The following MFSD8 variants were observed in gnomAD, a reference collection of about 807,000 sequenced individuals.
MFSD8 encodes major facilitator superfamily domain-containing protein 8.
In MFSD8, 55 loss-of-function variants were observed where a neutral mutation model predicts 66.4. The observed-to-expected ratio is 0.83, with a 90% CI of 0.67 to 1.04. The LOEUF (loss-of-function observed/expected upper bound fraction) is 1.04, where lower values mean the gene tolerates loss of function less well. MFSD8 is among the 50% of genes least tolerant of loss of function. MFSD8 has a pLI of 0.00. For missense variants in MFSD8, 550 were observed against 627.6 expected, an observed-to-expected ratio of 0.88 and a Z score of 1.32; for synonymous variants, 202 against 212.8, an observed-to-expected ratio of 0.95 and a Z score of 0.44.
At chr4:127,965,209 C>A (rs961854498), upstream of MFSD8, 213 of 1,580,608 alleles carry the variant, frequency 1.3e-4, no homozygotes, top group Non-Finnish European at 1.7e-4. Flanking sequence ...TGGCGTGAAG[C>A]TGGCAAAACA....
At chr4:127,926,783 T>C (rs957210926) in intron 9 of MFSD8, among the ~76,000 whole-genome samples, 1 of 152,220 alleles carries the variant, frequency 6.6e-6, no homozygotes, top group Admixed American at 6.5e-5. Context: ...TTAAAGTACA[T>C]ACAGTCTCTG....
chr4:127,959,386 G>GT (rs932725920), intron 1 of MFSD8, among the ~76,000 whole-genome samples: 2 of 151,888 alleles, frequency 1.3e-5, no homozygotes, highest in African/African-American at 2.4e-5. Flanking sequence ...ATGGCTCCTG[G>GT]TTTTTTTTAT....
At chr4:127,954,009 AG>A (rs1423420992) in intron 2 of MFSD8, among the ~76,000 whole-genome samples, 1 of 152,222 alleles carries the variant, frequency 6.6e-6, no homozygotes, top group East Asian at 1.9e-4. Context: ...CAGGGGAAAG[AG>A]ACCACTTGTA....
chr4:127,951,845 C>G (rs908777841), intron 2 of MFSD8, among the ~76,000 whole-genome samples: 5 of 143,594 alleles, frequency 3.5e-5, no homozygotes, highest in African/African-American at 1.5e-4. Flanking sequence ...TCTCACACCT[C>G]AGTCTCCAGA....
At chr4:127,931,876 A>C (rs1230279180) in intron 8 of MFSD8, among the ~76,000 whole-genome samples, 2 of 152,198 alleles carry the variant, frequency 1.3e-5, no homozygotes, top group East Asian at 1.9e-4. Context: ...TGGGAGGCCA[A>C]GGTGAGCAAA....
chr4:127,925,987 A>G (rs534372368), intron 9 of MFSD8, among the ~76,000 whole-genome samples: 1 of 152,174 alleles, frequency 6.6e-6, no homozygotes, highest in South Asian at 2.1e-4. Context: ...ACACAGGAAC[A>G]GAAAAACAAA....
At position 127,962,935 on chromosome 4, in the gene MFSD8, TG is replaced by T. The variant is rs1744042954; in HGVS notation, c.62+2136del. Among the ~76,000 whole-genome samples the T allele has an allele frequency of 3.3e-5, 5 of 152,252 alleles. 1 individual carries two copies. The highest frequency in any genetic ancestry group is 7.2e-5 in the African/African-American group (3 of 41,556). On this transcript the variant is annotated intron_variant, in intron 1 of 11. Coordinates refer to ENST00000641686, the MANE Select transcript of MFSD8 (RefSeq NM_001371596.2). ...AAGGTTGGTGCTTAAGGGGAACAAA[TG>T]AGTAAAAATTATTATGGTCATAGAC...
chr4:127,939,032 A>G, intron 6 of MFSD8, 194 bp from the exon 7 acceptor site: 1 of 417,612 alleles, frequency 2.4e-6, no homozygotes, highest in Non-Finnish European at 4.3e-6. Context: ...TCAAATTATC[A>G]TAAACAGGTA....
intron 2 of MFSD8, among the ~76,000 whole-genome samples, chr4:127,954,046 G>A (rs1036015456): frequency 5.3e-5 from 8 of 152,034 alleles, no homozygotes; most frequent in African/African-American, 1.9e-4. Context: ...GATTTAGAGG[G>A]TTTCTACTTG....
chr4:127,940,516 G>GTATATATATATATATATATA (rs67791219), intron 5 of MFSD8, among the ~76,000 whole-genome samples: 1 of 138,214 alleles, frequency 7.2e-6, no homozygotes, highest in African/African-American at 2.7e-5. Context: ...TCTGTATATG[G>GTATATATATATATATATATA]TATATATATA....
chr4:127,919,627 GATC>G lies in MFSD8; in HGVS notation c.*1000_*1002del, dbSNP rs1736122973. On this transcript the variant is annotated 3_prime_UTR_variant, in exon 12 of 12. Transcript: ENST00000641686. The stretch of plus-strand genomic sequence containing the variant: ...GCCTGACTAGTTTGGGGCTGTCAGG[GATC>G]ATCCAAATTAAAAATCCAACTAAAA... 6.6e-6 allele frequency: 1 copy of G among 151,706 alleles called. No homozygotes were observed. The highest frequency in any genetic ancestry group is 2.4e-5 in the African/African-American group (1 of 41,236). The allele number at this position is 151,706 out of a possible 1,614,324, so 9.4% of individuals were successfully genotyped here.
intron 8 of MFSD8, among the ~76,000 whole-genome samples, chr4:127,931,672 A>G (rs377507299): frequency 1.8e-3 from 272 of 152,236 alleles, no homozygotes; most frequent in Middle Eastern, 3.4e-3. Flanking sequence ...TTTATTTAAC[A>G]TTGTTTAATT....
chr4:127,922,107 C>T, intron 9 of MFSD8, 144 bp from the exon 10 acceptor site: 1 of 893,116 alleles, frequency 1.1e-6, no homozygotes. Flanking sequence ...TAATTTTCCA[C>T]TAAAAATAAC....
intron 9 of MFSD8, 130 bp downstream of exon 9, chr4:127,930,551 CTT>C: frequency 2.0e-6 from 2 of 1,012,408 alleles, no homozygotes; most frequent in Non-Finnish European, 2.9e-6. Flanking sequence ...ATGATAATCT[CTT>C]AATAAATTGT....
chr4:127,938,296 T>G (rs1053219616), intron 7 of MFSD8, among the ~76,000 whole-genome samples: 1 of 152,010 alleles, frequency 6.6e-6, no homozygotes, highest in African/African-American at 2.4e-5. Flanking sequence ...TGGGTATGCC[T>G]CTTTAAAAAA....
intron 2 of MFSD8, among the ~76,000 whole-genome samples, chr4:127,955,646 G>A (rs1011437641): frequency 6.6e-6 from 1 of 151,782 alleles, no homozygotes; most frequent in Non-Finnish European, 1.5e-5. Flanking sequence ...GAAGGCAACC[G>A]AGAAATAGCA....
chr4:127,918,147 A>T lies in MFSD8; in HGVS notation c.*2483T>A, dbSNP rs551985948. 1 of 152,280 alleles carries T rather than the reference A, an allele frequency of 6.6e-6. No individual in the cohort carries two copies. The highest frequency in any genetic ancestry group is 2.1e-4 in the South Asian group (1 of 4,828). The allele number at this position is 152,280 out of a possible 1,614,324, so 9.4% of individuals were successfully genotyped here. A position where few individuals can be genotyped will look rare whatever the true frequency, so the allele number is the denominator to read the frequency against. ...AGTTTAAATTTGTTTTCAAAAACATATTTTCTCTTCTTAAATATGTACTAC... is the reference window on the plus strand; with the variant it reads ...AGTTTAAATTTGTTTTCAAAAACATTTTTTCTCTTCTTAAATATGTACTAC... On this transcript the variant is annotated 3_prime_UTR_variant, in exon 12 of 12. Transcript: ENST00000641686.
upstream of MFSD8, chr4:127,965,422 C>G (rs905505378): frequency 4.5e-5 from 25 of 560,368 alleles, no homozygotes; most frequent in Non-Finnish European, 6.8e-5. Flanking sequence ...CCGCGCCGCC[C>G]TGCTCCGGGT....
intron 3 of MFSD8, among the ~76,000 whole-genome samples, chr4:127,947,465 C>T (rs1035257995): frequency 4.0e-5 from 6 of 151,602 alleles, no homozygotes; most frequent in African/African-American, 1.5e-4. Flanking sequence ...GTAGTCCCAG[C>T]TACTTGGGAG....
Sources: gnomAD v4.1 joint callset for allele counts (sites outside exome capture counted in the v4.1 genomes callset) on GRCh38, gnomAD v4.1.1 for gene constraint, MANE v1.5 for transcripts, NCBI Gene and HGNC (gene_info 2026-07-23, HGNC 2026-07-21) for gene names.